PLAGL1: variants seen among roughly 807,000 people sequenced by gnomAD.
PLAGL1 encodes PLAG1 like zinc finger 1, also known as zinc finger protein PLAGL1.
PLAGL1 carries 1 observed loss-of-function variant against 4.6 expected under a neutral mutation model. The observed-to-expected ratio is 0.22, with a 90% confidence interval of 0.08 to 1.03. The LOEUF is 1.03. Ranked by LOEUF, PLAGL1 falls within the 50% of genes least tolerant of loss-of-function variation. The pLI is 0.58. For synonymous variants in PLAGL1, 240 were observed against 237.8 expected (o/e 1.01, Z -0.08); for missense variants, 464 against 570.4 (o/e 0.81, Z 1.90).
chr6:144,058,252 C>A (rs1161215890), intron 1 of PLAGL1, among the ~76,000 whole-genome samples: 1 of 152,162 alleles, frequency 6.6e-6, no homozygotes, highest in African/African-American at 2.4e-5. Flanking sequence ...GGAGTTGCCA[C>A]AGCATCACAC....
chr6:144,045,529 G>A (rs1338818655), intron 1 of PLAGL1, among the ~76,000 whole-genome samples: 1 of 152,194 alleles, frequency 6.6e-6, no homozygotes, highest in Admixed American at 6.5e-5. Flanking sequence ...GCTCTCTTCT[G>A]GCTTGTAGAG....
In PLAGL1 at chr6:143,958,941, G is replaced by T; in HGVS notation, c.-325+1528C>A. Among the ~76,000 whole-genome samples, 1 of 152,106 alleles carries T rather than the reference G, an allele frequency of 6.6e-6. No individual in the cohort carries two copies. The highest frequency in any genetic ancestry group is 1.5e-5 in the Non-Finnish European group (1 of 68,024). ...TTTTTCTCTCCCATTCACAGCTTTA[G>T]GTCCTTTGTTTGTTTAACAAACCAT... On this transcript the variant is annotated intron_variant, in intron 6 of 7. Transcript: ENST00000674357. The surrounding 1 kb of genome is among the most constrained non-coding windows in gnomAD (Gnocchi z 5.1).
At position 143,977,006 on chromosome 6, in the gene PLAGL1, A is replaced by T. The variant is rs553834754; in HGVS notation, c.-543-8028T>A. On this transcript the variant is annotated intron_variant, in intron 2 of 7. Transcript: ENST00000674357. ...TTCTAATTTCCTGTTCGATTTTTTT[A>T]AAATAGGCTACTTTTTAGAGAAGTT... Among the ~76,000 whole-genome samples the T allele has an allele frequency of 5.6e-4, 85 of 152,286 alleles. No individual in the cohort carries two copies. The Middle Eastern group carries it at 0.014, about 24-fold the overall frequency.
chr6:143,966,609 A>C lies in PLAGL1; in HGVS notation c.-471-411T>G, dbSNP rs1364326379. ...TTACATGGTGATTGTGTGTTTTATG[A>C]ACCACCTCTAATTCCTACTGCTGGA... On this transcript the variant is annotated intron_variant, in intron 3 of 7. Transcript: ENST00000674357. This position sits in a 1 kb window ranked among gnomAD's most constrained non-coding sequence, Gnocchi z 6.0. 1.3e-5 allele frequency: 2 copies of C among 152,220 alleles called. No homozygotes were observed. Among genetic ancestry groups the C allele is most frequent in the Non-Finnish European group, 2.9e-5 (2 of 68,030 alleles). The allele number at this position is 152,220 out of a possible 1,614,324, so 9.4% of individuals were successfully genotyped here.
At chr6:144,009,780 G>A (rs1795012052), upstream of PLAGL1, among the ~76,000 whole-genome samples, 1 of 151,864 alleles carries the variant, frequency 6.6e-6, no homozygotes, top group Non-Finnish European at 1.5e-5. Flanking sequence ...TTAGTTTTCT[G>A]TTCCTGTGTT....
At chr6:144,049,589 G>A (rs1173163750) in intron 1 of PLAGL1, among the ~76,000 whole-genome samples, 1 of 152,158 alleles carries the variant, frequency 6.6e-6, no homozygotes, top group Admixed American at 6.5e-5. Flanking sequence ...AGGGGAAAGA[G>A]CCTCTTATGA....
chr6:143,961,812 C>T lies in PLAGL1; in HGVS notation c.-398-1270G>A, dbSNP rs527500074. Among the ~76,000 whole-genome samples, 1 of 152,292 alleles carries T rather than the reference C, an allele frequency of 6.6e-6. No individual in the cohort carries two copies. The highest frequency in any genetic ancestry group is 2.1e-4 in the South Asian group (1 of 4,828). On this transcript the variant is annotated intron_variant, in intron 5 of 7. Transcript: ENST00000674357. This position sits in a 1 kb window ranked among gnomAD's most constrained non-coding sequence, Gnocchi z 6.5. ...CCGGATGATTCTTCCTTTGCACCTACCCATCTCACAAACGGACAATACCAA... is the reference window on the plus strand; with the variant it reads ...CCGGATGATTCTTCCTTTGCACCTATCCATCTCACAAACGGACAATACCAA...
Position 144,015,470 on chromosome 6 carries a change from C to G in PLAGL1, c.-150-46492G>C, listed in dbSNP as rs889595460. ...AATAAAACCTGATCTTTAAAAGAGA[C>G]CATTAAGGAAAAAAATCTAAGCCAC... On this transcript the variant is annotated intron_variant, in intron 1 of 3. Transcript: ENST00000437412. This position sits in a 1 kb window ranked among gnomAD's most constrained non-coding sequence, Gnocchi z 4.3. Among the ~76,000 whole-genome samples the G allele has an allele frequency of 6.6e-6, 1 of 152,038 alleles. No homozygotes were observed. Among genetic ancestry groups the G allele is most frequent in the Non-Finnish European group, 1.5e-5 (1 of 68,000 alleles).
At position 144,018,310 on chromosome 6, in the gene PLAGL1, G is replaced by C. The variant is rs571810593; in HGVS notation, c.-151+46158C>G. On this transcript the variant is annotated intron_variant, in intron 1 of 3. Coordinates refer to the PLAGL1 transcript ENST00000437412. ...AAACACAGCATGATCTTTCTTACCTGTAGAGTATAAAAAAGTGAAACTCAT... is the reference window on the plus strand; with the variant it reads ...AAACACAGCATGATCTTTCTTACCTCTAGAGTATAAAAAAGTGAAACTCAT... 2.0e-5 allele frequency among the ~76,000 whole-genome samples: 3 copies of C among 152,276 alleles called. No homozygotes were observed. The East Asian group carries it at 5.8e-4, about 29-fold the overall frequency.
At chr6:144,041,765 T>C (rs1481297614) in intron 1 of PLAGL1, among the ~76,000 whole-genome samples, 1 of 152,204 alleles carries the variant, frequency 6.6e-6, no homozygotes, top group Non-Finnish European at 1.5e-5. Flanking sequence ...TGCCACACTG[T>C]CTTCCACAAT....
chr6:143,971,147 G>A lies in PLAGL1; in HGVS notation c.-543-2169C>T, dbSNP rs1168765158. Among the ~76,000 whole-genome samples, 1 of 151,562 alleles carries A rather than the reference G, an allele frequency of 6.6e-6. No individual in the cohort carries two copies. On this transcript the variant is annotated intron_variant, in intron 2 of 7. Transcript: ENST00000674357. The surrounding 1 kb of genome is among the most constrained non-coding windows in gnomAD (Gnocchi z 4.7). The stretch of plus-strand genomic sequence containing the variant: ...CTTATGAGGGTGAGAGTCTACCAAT[G>A]ATCAAAGTCATGGTAATTTTTCTGT...
rs1482560130 is a variant in PLAGL1 at position 143,964,544 on chromosome 6, A to G, written c.-399+243T>C. Among the ~76,000 whole-genome samples, 2 of 152,220 alleles carry G rather than the reference A, an allele frequency of 1.3e-5. No homozygotes were observed. The highest frequency in any genetic ancestry group is 6.5e-5 in the Admixed American group (1 of 15,292). On this transcript the variant is annotated intron_variant, in intron 5 of 7. Transcript: ENST00000674357. This position sits in a 1 kb window ranked among gnomAD's most constrained non-coding sequence, Gnocchi z 4.3. ...CTTGTGGGGCACCTCAATAAAGTGC[A>G]GAATCTTAGAACAGTGCACATCTGT... is the stretch of plus-strand genomic sequence containing the variant.
Position 143,957,300 on chromosome 6 carries a change from G to T in PLAGL1, c.-325+3169C>A, listed in dbSNP as rs200804164. ...GAATGAAGACTCTCAGGAGTCTGGT[G>T]GGGGGGTGAGGGGTGGAGAGCAACT... On this transcript the variant is annotated intron_variant, in intron 6 of 7. Coordinates refer to ENST00000674357, the MANE Select transcript of PLAGL1 (RefSeq NM_001317162.2). This position sits in a 1 kb window ranked among gnomAD's most constrained non-coding sequence, Gnocchi z 4.2. Among the ~76,000 whole-genome samples the T allele has an allele frequency of 3.0e-5, 1 of 33,228 alleles. No individual in the cohort carries two copies. Among genetic ancestry groups the T allele is most frequent in the African/African-American group, 7.9e-5 (1 of 12,732 alleles). 21.8% of individuals were successfully genotyped at this position (33,228 alleles called of 152,430 possible). A position where few individuals can be genotyped will look rare whatever the true frequency, so the allele number is the denominator to read the frequency against.
rs1398937200 is a variant in PLAGL1, at chr6:144,016,469, A to T, written c.-150-47491T>A. 6.6e-6 allele frequency among the ~76,000 whole-genome samples: 1 copy of T among 152,250 alleles called. No homozygotes were observed. Among genetic ancestry groups the T allele is most frequent in the African/African-American group, 2.4e-5 (1 of 41,470 alleles). On this transcript the variant is annotated intron_variant, in intron 1 of 3. Transcript: ENST00000437412. The surrounding 1 kb of genome is among the most constrained non-coding windows in gnomAD (Gnocchi z 4.2). ...TCTCACAGACACACCTAGGATCAAT[A>T]CTTTGTATCTTTCAATCCAATCAAG...
upstream of PLAGL1, among the ~76,000 whole-genome samples, chr6:144,009,600 T>C (rs537973083): frequency 6.6e-6 from 1 of 152,298 alleles, no homozygotes; most frequent in East Asian, 1.9e-4. Context: ...CATGCCATGG[T>C]GGTTTGCTGC....
rs1562627096 is a variant in PLAGL1 at position 144,063,914 on chromosome 6, G to A, written c.-151+554C>T. Among the ~76,000 whole-genome samples, 2 of 152,164 alleles carry A rather than the reference G, an allele frequency of 1.3e-5. No individual in the cohort carries two copies. Among genetic ancestry groups the A allele is most frequent in the Non-Finnish European group, 2.9e-5 (2 of 68,024 alleles). ...TCTCTTTTCTCCCGGAGTCTGCGGG[G>A]ACCTCCCCGCCGCAACTCGGTCACT... On this transcript the variant is annotated intron_variant, in intron 1 of 3. Transcript: ENST00000437412. The surrounding 1 kb of genome is among the most constrained non-coding windows in gnomAD (Gnocchi z 5.7).
At position 144,056,070 on chromosome 6, in the gene PLAGL1, T is replaced by G. The variant is rs891803267; in HGVS notation, c.-151+8398A>C. 1.3e-5 allele frequency among the ~76,000 whole-genome samples: 2 copies of G among 152,014 alleles called. No individual in the cohort carries two copies. The highest frequency in any genetic ancestry group is 2.1e-4 in the South Asian group (1 of 4,816). On this transcript the variant is annotated intron_variant, in intron 1 of 3. Transcript: ENST00000437412. This position sits in a 1 kb window ranked among gnomAD's most constrained non-coding sequence, Gnocchi z 4.7. ...GATGACTCACTTTTCTTTCCCCTCA[T>G]CCCTTTCTCCATCCCACCCCCACCT...
At chr6:143,980,221 A>T (rs1448159189) in intron 2 of PLAGL1, among the ~76,000 whole-genome samples, 1 of 151,904 alleles carries the variant, frequency 6.6e-6, no homozygotes, top group African/African-American at 2.4e-5. Context: ...CTTGATATTT[A>T]TTTAACTTAG....
At chr6:144,049,194 G>A (rs73008217) in intron 1 of PLAGL1, among the ~76,000 whole-genome samples, 9,268 of 152,188 alleles carry the variant, frequency 0.061, 323 homozygotes, top group Middle Eastern at 0.12. Context: ...GTACTTCATT[G>A]TCCACATCAT....
Sources: allele counts gnomAD v4.1 joint callset (sites outside exome capture counted in the v4.1 genomes callset), GRCh38; gene constraint gnomAD v4.1.1; non-coding constraint Gnocchi (gnomAD v3.1); transcripts MANE v1.5; gene names NCBI Gene and HGNC (gene_info 2026-07-23, HGNC 2026-07-21).